The following MXRA7 variants were observed in gnomAD, a reference collection of about 807,000 sequenced individuals.
The protein encoded by MXRA7 is matrix-remodeling-associated protein 7.
Under a neutral mutation model 17.4 loss-of-function variants are expected in MXRA7, and 18 were observed. The ratio of observed to expected loss-of-function variants is 1.03; its 90% CI spans 0.71 to 1.53. The LOEUF (loss-of-function observed/expected upper bound fraction) is 1.53. Ranked by LOEUF, MXRA7 falls within the 40% of genes most tolerant of loss-of-function variation. The pLI is 0.00. For missense variants in MXRA7, 141 were observed against 209.3 expected (o/e 0.67, Z 2.01); for synonymous variants, 70 against 101.7 (o/e 0.69, Z 1.87).
intron 2 of MXRA7, among the ~76,000 whole-genome samples, 190 bp downstream of exon 2, chr17:76,687,923 G>T (rs2076419538): frequency 6.6e-6 from 1 of 152,158 alleles, no homozygotes; most frequent in African/African-American, 2.4e-5. Context: ...ATGGGGGTGA[G>T]GGAGGGCTAC....
chr17:76,672,688 ACT>A (rs2076211448), exon 4 of MXRA7: 1 of 144,166 alleles, frequency 6.9e-6, no homozygotes, highest in Admixed American at 7.1e-5. Flanking sequence ...AGCCCAGCTG[ACT>A]CTGTGGCGTT....
At chr17:76,698,711 T>G (rs2076560563) in intron 1 of MXRA7, among the ~76,000 whole-genome samples, 1 of 98,326 alleles carries the variant, frequency 1.0e-5, no homozygotes, top group Non-Finnish European at 2.0e-5. Context: ...CCTTCCTTTC[T>G]GTTTTTTTTT....
chr17:76,706,012 ACCACACTGCCATCACGAAGGC>A (rs2076650405), intron 1 of MXRA7, among the ~76,000 whole-genome samples: 1 of 144,222 alleles, frequency 6.9e-6, no homozygotes, highest in Non-Finnish European at 1.5e-5. Context: ...ATCACAGAGG[ACCACACTGCCATCACGAAGGC>A]CCACTCTGCT....
downstream of MXRA7, among the ~76,000 whole-genome samples, chr17:76,679,200 A>C (rs546646957): frequency 4.0e-5 from 6 of 151,504 alleles, no homozygotes; most frequent in Non-Finnish European, 8.8e-5. Context: ...AGACGGGAGG[A>C]TCACTTAAGC....
chr17:76,673,402 G>A (rs1310414778), exon 4 of MXRA7: 6 of 152,302 alleles, frequency 3.9e-5, no homozygotes, highest in African/African-American at 7.2e-5. Flanking sequence ...TCCACCAGGC[G>A]CAGGTGACCC....
At chr17:76,696,554 G>A (rs1023372226) in intron 1 of MXRA7, among the ~76,000 whole-genome samples, 21 of 151,692 alleles carry the variant, frequency 1.4e-4, no homozygotes, top group African/African-American at 5.1e-4. Flanking sequence ...ATAAACAGGT[G>A]TCAATACAAA....
rs1301722326 is a variant in MXRA7, at chr17:76,680,829, A to C, written c.*38T>G. The C allele has an allele frequency of 6.9e-6, 11 of 1,605,030 alleles. No individual in the cohort carries two copies. Among genetic ancestry groups the C allele is most frequent in the Non-Finnish European group, 9.4e-6 (11 of 1,175,822 alleles). On this transcript the variant is annotated 3_prime_UTR_variant, in exon 4 of 4. Transcript: ENST00000449428. Reference sequence around the variant, plus strand: ...ATCTCTCAAGCTTTTAAGATGCCAAAAGGAAAAGCCTTTAGGAGGACGCTA... The same window carrying C: ...ATCTCTCAAGCTTTTAAGATGCCAACAGGAAAAGCCTTTAGGAGGACGCTA...
At chr17:76,678,115 A>T (rs2076256390), downstream of MXRA7, among the ~76,000 whole-genome samples, 1 of 152,150 alleles carries the variant, frequency 6.6e-6, no homozygotes, top group Non-Finnish European at 1.5e-5. Flanking sequence ...CTTCGTTGAG[A>T]GGAATGAGCC....
chr17:76,684,819 T>C, intron 3 of MXRA7: 1 of 540,752 alleles, frequency 1.8e-6, no homozygotes, highest in Admixed American at 3.2e-5. Context: ...GTAAATGGGC[T>C]CTGTATCCCC....
At chr17:76,699,988 C>A (rs1333951196) in intron 1 of MXRA7, among the ~76,000 whole-genome samples, 1 of 152,162 alleles carries the variant, frequency 6.6e-6, no homozygotes, top group Non-Finnish European at 1.5e-5. Context: ...GAGACTGGGT[C>A]TCACTCTGTC....
At chr17:76,700,457 A>G (rs1014103334) in intron 1 of MXRA7, among the ~76,000 whole-genome samples, 19 of 152,204 alleles carry the variant, frequency 1.2e-4, no homozygotes, top group African/African-American at 4.6e-4. Flanking sequence ...ACATAACAGC[A>G]CGAGGGCAAG....
chr17:76,695,176 C>CAAAAT (rs1283434221), intron 1 of MXRA7, among the ~76,000 whole-genome samples: 1 of 152,004 alleles, frequency 6.6e-6, no homozygotes, highest in African/African-American at 2.4e-5. Context: ...CAAAACAAAA[C>CAAAAT]AAAATAAAAC....
In MXRA7 at chr17:76,706,210, C is replaced by CCGT. The variant is rs1379900321; in HGVS notation, c.342+4394_342+4395insACG. Among the ~76,000 whole-genome samples, 340 of 149,434 alleles carry CCGT rather than the reference C, an allele frequency of 2.3e-3. 41 individuals carry two copies. Among genetic ancestry groups the CCGT allele is most frequent in the African/African-American group, 7.6e-3 (310 of 40,864 alleles). ...GCTGCCATCACAGAGGCCCACGCTG[C>CCGT]CATCACAAAGGCCCACTCTGCCGTC... is the stretch of plus-strand genomic sequence containing the variant. On this transcript the variant is annotated intron_variant, in intron 1 of 3. Coordinates refer to ENST00000449428, the MANE Select transcript of MXRA7 (RefSeq NM_198530.4).
rs557569024 is a variant in MXRA7, at chr17:76,681,753, G to A, written c.501-874C>T. Among the ~76,000 whole-genome samples the A allele has an allele frequency of 3.9e-5, 6 of 152,166 alleles. No individual in the cohort carries two copies. The highest frequency in any genetic ancestry group is 5.9e-5 in the Non-Finnish European group (4 of 68,036). On this transcript the variant is annotated intron_variant, in intron 3 of 3. Coordinates refer to ENST00000449428, the MANE Select transcript of MXRA7 (RefSeq NM_198530.4). This position sits in a 1 kb window ranked among gnomAD's most constrained non-coding sequence, Gnocchi z 4.7. The stretch of plus-strand genomic sequence containing the variant: ...GTGATGGAGAGGAGCTGACAGCCGC[G>A]CCTGTTCTTTCTCCTGCCAAGCTGT...
chr17:76,684,038 G>GC, intron 3 of MXRA7: 1 of 852,644 alleles, frequency 1.2e-6, no homozygotes, highest in Non-Finnish European at 2.0e-6. Context: ...TACACTGCCC[G>GC]CCCCCCACCC....
At chr17:76,697,838 C>T (rs994228557) in intron 1 of MXRA7, among the ~76,000 whole-genome samples, 1 of 151,522 alleles carries the variant, frequency 6.6e-6, no homozygotes, top group Non-Finnish European at 1.5e-5. Context: ...TTATGGCTGC[C>T]CTGGCTGATT....
At chr17:76,690,772 A>G (rs2076472028) in intron 1 of MXRA7, among the ~76,000 whole-genome samples, 1 of 152,076 alleles carries the variant, frequency 6.6e-6, no homozygotes. Context: ...CAGTGGTGCA[A>G]TCACGGCTCA....
intron 1 of MXRA7, among the ~76,000 whole-genome samples, chr17:76,694,578 AT>A (rs1418755780): frequency 6.6e-6 from 1 of 151,958 alleles, no homozygotes; most frequent in East Asian, 1.9e-4. Flanking sequence ...AATTGAATGA[AT>A]TCCAATTATT....
At chr17:76,674,652 G>C (rs922154766), downstream of MXRA7, 11 of 152,372 alleles carry the variant, frequency 7.2e-5, no homozygotes, top group Non-Finnish European at 1.3e-4. Flanking sequence ...CAGATCCCCA[G>C]TGAAATTCAG....
Sources: gnomAD v4.1 joint callset for allele counts (sites outside exome capture counted in the v4.1 genomes callset) on GRCh38, gnomAD v4.1.1 for gene constraint, Gnocchi (gnomAD v3.1) non-coding constraint, MANE v1.5 for transcripts, NCBI Gene and HGNC (gene_info 2026-07-23, HGNC 2026-07-21) for gene names.